MUSK: variants seen among roughly 807,000 people sequenced by gnomAD.
The protein encoded by MUSK is muscle, skeletal receptor tyrosine-protein kinase.
In MUSK, 55 loss-of-function variants were observed where a neutral mutation model predicts 88.7. The ratio of observed to expected loss-of-function variants is 0.62; its 90% confidence interval spans 0.50 to 0.78. MUSK has a LOEUF of 0.78. Among genes scored for constraint, MUSK ranks in the 30% least tolerant of loss-of-function variants. MUSK has a pLI of 0.00. For synonymous variants in MUSK, 387 were observed against 391.9 expected (o/e 0.99, Z 0.15); for missense variants, 1,015 against 1,074.3 (o/e 0.94, Z 0.77).
chr9:110,692,853 GAA>G (rs140026732), intron 3 of MUSK, among the ~76,000 whole-genome samples: 164 of 150,244 alleles, frequency 1.1e-3, no homozygotes, highest in African/African-American at 1.4e-3. Context: ...ATTTCCTTCA[GAA>G]AAAAAAAAAT....
chr9:110,767,310 A>T (rs2131953483), intron 8 of MUSK, among the ~76,000 whole-genome samples: 1 of 152,330 alleles, frequency 6.6e-6, no homozygotes, highest in Middle Eastern at 3.4e-3. Flanking sequence ...GAGTGGGAGA[A>T]TCTGAGTGTG....
At chr9:110,690,434 CA>C (rs2076327886) in intron 3 of MUSK, among the ~76,000 whole-genome samples, 1 of 39,598 alleles carries the variant, frequency 2.5e-5, no homozygotes, top group African/African-American at 1.4e-4. Context: ...ATATATATTT[CA>C]ATATAAGTAT....
Position 110,790,957 on chromosome 9 carries a change from T to G in MUSK, c.1927+3119T>G, listed in dbSNP as rs565387297. On this transcript the variant is annotated intron_variant, in intron 14 of 14. Transcript: ENST00000374448. ...CCACACAAGTAAGTTGAAGTCAAAT[T>G]GAGGCAAATAAGAGAGGTGTATGCA... Among the ~76,000 whole-genome samples the G allele has an allele frequency of 2.6e-5, 4 of 152,250 alleles. No individual in the cohort carries two copies. In the East Asian group the frequency reaches 7.7e-4, roughly 29 times the overall value.
intron 5 of MUSK, among the ~76,000 whole-genome samples, chr9:110,707,965 G>T (rs534214178): frequency 1.3e-5 from 2 of 152,272 alleles, no homozygotes. Context: ...TTTGCAATCT[G>T]AAAGGCTGCA....
chr9:110,688,924 A>C (rs1056198059), intron 3 of MUSK, among the ~76,000 whole-genome samples: 1 of 146,176 alleles, frequency 6.8e-6, no homozygotes, highest in African/African-American at 2.5e-5. Flanking sequence ...ATATATATTT[A>C]TATATAAATA....
chr9:110,724,099 A>G (rs2076852234), intron 5 of MUSK, among the ~76,000 whole-genome samples: 1 of 151,784 alleles, frequency 6.6e-6, no homozygotes, highest in African/African-American at 2.4e-5. Context: ...TCTGCTTGTT[A>G]TTATCAATTT....
intron 7 of MUSK, among the ~76,000 whole-genome samples, chr9:110,760,079 G>A (rs185255013): frequency 6.6e-6 from 1 of 152,242 alleles, no homozygotes; most frequent in Admixed American, 6.5e-5. Flanking sequence ...TGGCGAGGTT[G>A]CTGAGAAAAG....
At chr9:110,669,689 G>T (rs1173682166) in intron 1 of MUSK, among the ~76,000 whole-genome samples, 1 of 152,182 alleles carries the variant, frequency 6.6e-6, no homozygotes, top group East Asian at 1.9e-4. Flanking sequence ...AATGTCCAGT[G>T]ATATAGTTTC....
intron 1 of MUSK, among the ~76,000 whole-genome samples, chr9:110,682,471 A>G (rs1473103656): frequency 6.6e-6 from 1 of 152,010 alleles, no homozygotes; most frequent in African/African-American, 2.4e-5. Flanking sequence ...TGCTCTCCTG[A>G]GAGACTTCTC....
intron 6 of MUSK, among the ~76,000 whole-genome samples, chr9:110,737,809 G>A (rs891518372): frequency 5.9e-5 from 9 of 152,018 alleles, no homozygotes; most frequent in African/African-American, 2.2e-4. Flanking sequence ...TTTATGCTCT[G>A]CATATGTTTG....
At chr9:110,782,442 C>G (rs2077776628) in intron 11 of MUSK, among the ~76,000 whole-genome samples, 1 of 152,134 alleles carries the variant, frequency 6.6e-6, no homozygotes. Flanking sequence ...TTTAAAAAAA[C>G]TCACTAAATC....
Position 110,668,916 on chromosome 9 carries a change from C to A in MUSK, c.12C>A (p.Leu4=), listed in dbSNP as rs374456998. 3.1e-6 allele frequency: 5 copies of A among 1,613,534 alleles called. No homozygotes were observed. Among genetic ancestry groups the A allele is most frequent in the Non-Finnish European group, 4.2e-6 (5 of 1,179,516 alleles). The change falls in exon 1 of 15, where the codon CTC becomes CTA. Residue 4 remains leucine, a synonymous_variant. Coordinates refer to ENST00000374448, the MANE Select transcript of MUSK (RefSeq NM_005592.4). MRE[L]VNIPLVHILT... ...AGCCTGGATTAATCATGAGAGAGCT[C>A]GTCAACATTCCACTGGTACATATTC...
chr9:110,786,481 G>A (rs2077868823), intron 13 of MUSK, among the ~76,000 whole-genome samples: 1 of 152,036 alleles, frequency 6.6e-6, no homozygotes, highest in South Asian at 2.1e-4. Flanking sequence ...TATTGGAGAT[G>A]TAAATGTGTC....
Position 110,689,175 on chromosome 9 carries a change from A to G in MUSK, c.358+1907A>G, listed in dbSNP as rs925970506. On this transcript the variant is annotated intron_variant, in intron 3 of 14. Coordinates refer to ENST00000374448, the MANE Select transcript of MUSK (RefSeq NM_005592.4). ...TATATAAAATATAAATAAACTATAT[A>G]TTTATATAAATATATCATATATATA... Among the ~76,000 whole-genome samples the G allele has an allele frequency of 1.0e-3, 74 of 72,890 alleles. 1 individual carries two copies. The highest frequency in any genetic ancestry group is 1.5e-3 in the Non-Finnish European group (62 of 41,638). The allele number at this position is 72,890 out of a possible 152,430, so 47.8% of individuals were successfully genotyped here.
At chr9:110,727,172 T>C (rs757366809) in intron 5 of MUSK, among the ~76,000 whole-genome samples, 2 of 151,212 alleles carry the variant, frequency 1.3e-5, no homozygotes, top group Non-Finnish European at 3.0e-5. Flanking sequence ...TACCACTGAG[T>C]TGATGGAGGT....
At chr9:110,719,443 T>C (rs573162430) in intron 5 of MUSK, among the ~76,000 whole-genome samples, 1 of 152,162 alleles carries the variant, frequency 6.6e-6, no homozygotes, top group South Asian at 2.1e-4. Context: ...TCGCTATTCT[T>C]ATATCAGACA....
chr9:110,786,266 G>A (rs540898323), intron 13 of MUSK, among the ~76,000 whole-genome samples: 15 of 146,316 alleles, frequency 1.0e-4, no homozygotes, highest in African/African-American at 3.0e-4. Context: ...AGCCAAGATC[G>A]CGCCACTGCA....
intron 3 of MUSK, among the ~76,000 whole-genome samples, chr9:110,688,579 T>C (rs2076228088): frequency 6.6e-6 from 1 of 152,182 alleles, no homozygotes; most frequent in East Asian, 1.9e-4. Context: ...GTATTAAGCC[T>C]AGCATCCATT....
At chr9:110,679,609 T>G (rs2076081277) in intron 1 of MUSK, among the ~76,000 whole-genome samples, 1 of 152,040 alleles carries the variant, frequency 6.6e-6, no homozygotes, top group South Asian at 2.1e-4. Context: ...TGCTTTTTCT[T>G]GGCTTATTTA....
Sources: allele counts gnomAD v4.1 joint callset (sites outside exome capture counted in the v4.1 genomes callset), GRCh38; gene constraint gnomAD v4.1.1; transcripts MANE v1.5; gene names NCBI Gene and HGNC (gene_info 2026-07-23, HGNC 2026-07-21).